The following SCFD1 variants were observed in gnomAD, a reference collection of about 807,000 sequenced individuals.
SCFD1 encodes the protein sec1 family domain containing 1.
In SCFD1, 37 loss-of-function variants were observed where a neutral mutation model predicts 103.2. The observed-to-expected ratio is 0.36, with a 90% confidence interval of 0.28 to 0.47. The LOEUF (loss-of-function observed/expected upper bound fraction) is 0.47, where lower values mean the gene tolerates loss of function less well. Ranked by LOEUF, SCFD1 falls within the 20% of genes least tolerant of loss-of-function variation. SCFD1 has a pLI of 1.00. For missense variants in SCFD1, 639 were observed against 761.2 expected, an observed-to-expected ratio of 0.84 and a Z score of 1.89; for synonymous variants, 264 against 245.0, an observed-to-expected ratio of 1.08 and a Z score of -0.73.
chr14:30,625,614 TACCTATATA>T, intron 1 of SCFD1, among the ~76,000 whole-genome samples: 1 of 68,804 alleles, frequency 1.5e-5, no homozygotes, highest in African/African-American at 4.9e-5. Flanking sequence ...GGTATAGGTA[TACCTATATA>T]GGTATAGGTA....
At chr14:30,661,576 T>C (rs1439712486) in intron 10 of SCFD1, among the ~76,000 whole-genome samples, 2 of 152,128 alleles carry the variant, frequency 1.3e-5, no homozygotes, top group African/African-American at 2.4e-5. Flanking sequence ...TAGTTATCCA[T>C]GCTCTTTGAG....
chr14:30,667,508 C>T (rs1888101136), intron 10 of SCFD1, among the ~76,000 whole-genome samples: 1 of 152,140 alleles, frequency 6.6e-6, no homozygotes, highest in Non-Finnish European at 1.5e-5. Flanking sequence ...GACAGGGATG[C>T]CCTCTCTCAC....
chr14:30,700,067 A>G (rs908024896), intron 15 of SCFD1, 121 bp from the exon 16 acceptor site: 1 of 675,972 alleles, frequency 1.5e-6, no homozygotes, highest in Non-Finnish European at 2.6e-6. Context: ...AGTTAAATCA[A>G]GAGCCATGTT....
At chr14:30,694,732 A>G (rs1160390152) in intron 14 of SCFD1, 41 bp from the exon 15 acceptor site, 1 of 1,540,674 alleles carries the variant, frequency 6.5e-7, no homozygotes, top group Non-Finnish European at 8.7e-7. Context: ...ATGTATTTTA[A>G]TGACTTAATA....
At chr14:30,725,236 T>A (rs939424116) in intron 23 of SCFD1, among the ~76,000 whole-genome samples, 1 of 152,194 alleles carries the variant, frequency 6.6e-6, no homozygotes, top group African/African-American at 2.4e-5. Context: ...CAGTGGTGAT[T>A]TAATAGGAAT....
At chr14:30,634,469 A>C (rs115055448) in intron 4 of SCFD1, among the ~76,000 whole-genome samples, 208 of 152,282 alleles carry the variant, frequency 1.4e-3, no homozygotes, top group African/African-American at 4.8e-3. Flanking sequence ...GTTTTATCAT[A>C]AATATGTATG....
intron 10 of SCFD1, among the ~76,000 whole-genome samples, chr14:30,662,344 C>T (rs1342197402): frequency 4.6e-5 from 7 of 152,068 alleles, no homozygotes; most frequent in African/African-American, 1.2e-4. Context: ...TTAATGTAGG[C>T]GAGGATGGAA....
chr14:30,683,240 T>C, intron 14 of SCFD1: 1 of 1,095,706 alleles, frequency 9.1e-7, no homozygotes, highest in Non-Finnish European at 1.3e-6. Flanking sequence ...GCAGACCACT[T>C]GTCCTTCAGG....
intron 23 of SCFD1, among the ~76,000 whole-genome samples, chr14:30,726,693 A>G (rs546845897): frequency 1.3e-5 from 2 of 152,158 alleles, no homozygotes; most frequent in South Asian, 2.1e-4. Context: ...GTCTGGGTAC[A>G]TGTGTCTTCC....
At chr14:30,628,967 C>T (rs1883814389) in intron 2 of SCFD1, among the ~76,000 whole-genome samples, 1 of 152,158 alleles carries the variant, frequency 6.6e-6, no homozygotes, top group East Asian at 1.9e-4. Flanking sequence ...TTTGGGTTAA[C>T]TCTAAAAGTA....
At chr14:30,622,293 C>G (rs749741276), upstream of SCFD1, 1 of 1,590,752 alleles carries the variant, frequency 6.3e-7, no homozygotes, top group African/African-American at 1.3e-5. Flanking sequence ...GCCACGTCAT[C>G]CCCCCGCTCC....
intron 14 of SCFD1, 124 bp downstream of exon 14, chr14:30,675,189 A>G (rs1346592272): frequency 2.1e-6 from 1 of 473,068 alleles, no homozygotes; most frequent in African/African-American, 2.0e-5. Flanking sequence ...ATAATTATGG[A>G]AGACAGCAGT....
intron 10 of SCFD1, chr14:30,658,232 T>C (rs536218047): frequency 1.5e-4 from 49 of 325,398 alleles, no homozygotes; most frequent in African/African-American, 1.0e-3. Flanking sequence ...CTGACTCTTA[T>C]TATTTGAAAC....
At chr14:30,656,334 A>G (rs1382224667) in intron 10 of SCFD1, among the ~76,000 whole-genome samples, 1 of 152,214 alleles carries the variant, frequency 6.6e-6, no homozygotes, top group African/African-American at 2.4e-5. Flanking sequence ...AGCGAAGTTA[A>G]TGATGCAGGA....
chr14:30,661,823 CT>C (rs1383629768), intron 10 of SCFD1, among the ~76,000 whole-genome samples: 1 of 152,076 alleles, frequency 6.6e-6, no homozygotes, highest in African/African-American at 2.4e-5. Flanking sequence ...TAGGGATGAG[CT>C]TTGAAAAATA....
At chr14:30,627,489 G>C (rs1156721158) in intron 1 of SCFD1, among the ~76,000 whole-genome samples, 1 of 152,192 alleles carries the variant, frequency 6.6e-6, no homozygotes, top group Non-Finnish European at 1.5e-5. Context: ...GCTCACGCCT[G>C]TAATCCCAGC....
chr14:30,726,113 G>T (rs1248218258), intron 23 of SCFD1, among the ~76,000 whole-genome samples: 1 of 151,970 alleles, frequency 6.6e-6, no homozygotes, highest in Non-Finnish European at 1.5e-5. Context: ...TCTTCTTTTG[G>T]CATCTTTTAC....
chr14:30,726,877 C>T (rs1045884224), intron 23 of SCFD1, among the ~76,000 whole-genome samples: 6 of 152,164 alleles, frequency 3.9e-5, no homozygotes, highest in Admixed American at 2.0e-4. Context: ...ACTCATAGAA[C>T]TGTGCCAGTG....
Position 30,643,302 on chromosome 14 carries a change from C to G in SCFD1, c.524-14C>G. ...TTTGGGTCAACTTTTTCTCCTTTTC[C>G]TATGTCATTTTAGCCATTAACAGGC... On this transcript the variant is annotated splice_polypyrimidine_tract_variant and intron_variant, in intron 6 of 24. Transcript: ENST00000458591. 1 of 1,566,028 alleles carries G rather than the reference C, an allele frequency of 6.4e-7. No homozygotes were observed.
Sources: allele counts gnomAD v4.1 joint callset (sites outside exome capture counted in the v4.1 genomes callset), GRCh38; gene constraint gnomAD v4.1.1; transcripts MANE v1.5; gene names NCBI Gene and HGNC (gene_info 2026-07-23, HGNC 2026-07-21).